The following NEGR1 variants were observed in gnomAD, a reference collection of about 807,000 sequenced individuals.
NEGR1 encodes the protein IgLON family member 4.
In NEGR1, 10 loss-of-function variants were observed where a neutral mutation model predicts 40.9. The observed-to-expected ratio is 0.24, with a 90% CI of 0.15 to 0.42. The LOEUF (loss-of-function observed/expected upper bound fraction) is 0.42, where lower values mean the gene tolerates loss of function less well. Among genes scored for constraint, NEGR1 ranks in the 10% least tolerant of loss-of-function variants. The probability of loss-of-function intolerance (pLI) is 1.00; values close to 1 mark genes in which losing one functional copy is unlikely to be tolerated. For synonymous variants in NEGR1, 185 were observed against 166.8 expected, an observed-to-expected ratio of 1.11 and a Z score of -0.84; for missense variants, 352 against 438.9, an observed-to-expected ratio of 0.80 and a Z score of 1.77.
At chr1:71,413,163 A>G (rs1224788985) in intron 6 of NEGR1, among the ~76,000 whole-genome samples, 1 of 152,200 alleles carries the variant, frequency 6.6e-6, no homozygotes, top group East Asian at 1.9e-4. Context: ...TAGTATCTCA[A>G]AAGTTATTAC....
chr1:71,559,760 A>G (rs1171943684), intron 6 of NEGR1, among the ~76,000 whole-genome samples: 1 of 151,446 alleles, frequency 6.6e-6, no homozygotes, highest in Non-Finnish European at 1.5e-5. Context: ...GCAATCTAAT[A>G]CTCAGCAGAA....
chr1:71,640,307 A>T (rs952438172), intron 4 of NEGR1, among the ~76,000 whole-genome samples: 1 of 152,008 alleles, frequency 6.6e-6, no homozygotes, highest in East Asian at 1.9e-4. Context: ...GTAGAGACTC[A>T]TGGGACACAG....
chr1:71,689,898 TA>T lies in NEGR1; in HGVS notation c.667+8109del, dbSNP rs563511810. Among the ~76,000 whole-genome samples, 22 of 151,940 alleles carry T rather than the reference TA, an allele frequency of 1.4e-4. No individual in the cohort carries two copies. The South Asian group carries it at 4.6e-3, about 31-fold the overall frequency. On this transcript the variant is annotated intron_variant, in intron 4 of 6. Coordinates refer to ENST00000357731, the MANE Select transcript of NEGR1 (RefSeq NM_173808.3). ...AATAACAGTAAATATCATTAACAGA[TA>T]TTTAACGTTATTTTAACATTTATCA... is the stretch of plus-strand genomic sequence containing the variant.
chr1:72,272,433 G>T (rs1472311771), intron 1 of NEGR1, among the ~76,000 whole-genome samples: 4 of 151,840 alleles, frequency 2.6e-5, no homozygotes, highest in African/African-American at 9.7e-5. Flanking sequence ...ATATTCTACT[G>T]TAAGAAATAT....
intron 2 of NEGR1, among the ~76,000 whole-genome samples, chr1:71,914,870 T>C (rs1661525789): frequency 6.6e-6 from 1 of 152,156 alleles, no homozygotes; most frequent in Non-Finnish European, 1.5e-5. Flanking sequence ...ATACTCATGA[T>C]GCCATCATTT....
intron 4 of NEGR1, among the ~76,000 whole-genome samples, chr1:71,643,776 T>C (rs1185075411): frequency 1.3e-5 from 2 of 152,012 alleles, no homozygotes; most frequent in East Asian, 3.9e-4. Flanking sequence ...ACTCATCTTG[T>C]GGTAAATAGA....
rs146988802 is a variant in NEGR1, at chr1:71,648,163, C to T, written c.668-37017G>A. ...TTGGGGTCTAAAATATCTTATAAAT[C>T]ATCTTGGCCTAGAAACAATTTTGCT... On this transcript the variant is annotated intron_variant, in intron 4 of 6. Transcript: ENST00000357731. Among the ~76,000 whole-genome samples the T allele has an allele frequency of 3.6e-4, 55 of 152,060 alleles. No homozygotes were observed. The Middle Eastern group carries it at 0.017, about 47-fold the overall frequency.
intron 6 of NEGR1, among the ~76,000 whole-genome samples, chr1:71,485,499 G>A (rs1362679674): frequency 6.6e-6 from 1 of 151,336 alleles, no homozygotes. Context: ...ACACTATCTG[G>A]GTTTGGACAA....
At chr1:71,637,801 G>A (rs1651207334) in intron 4 of NEGR1, among the ~76,000 whole-genome samples, 1 of 151,906 alleles carries the variant, frequency 6.6e-6, no homozygotes, top group Admixed American at 6.6e-5. Context: ...GGCATGCAGA[G>A]GTCACCTAAC....
At chr1:72,166,428 T>C (rs973096949) in intron 1 of NEGR1, among the ~76,000 whole-genome samples, 1 of 152,112 alleles carries the variant, frequency 6.6e-6, no homozygotes, top group Non-Finnish European at 1.5e-5. Context: ...CTGCTGAGTA[T>C]ATATCCAAAG....
intron 6 of NEGR1, among the ~76,000 whole-genome samples, chr1:71,420,823 A>C (rs1427280871): frequency 6.6e-6 from 1 of 152,044 alleles, no homozygotes; most frequent in African/African-American, 2.4e-5. Context: ...ATTAATATTA[A>C]AGTAGCCAAT....
intron 6 of NEGR1, among the ~76,000 whole-genome samples, chr1:71,497,123 A>G (rs902462404): frequency 6.6e-6 from 1 of 152,172 alleles, no homozygotes; most frequent in Non-Finnish European, 1.5e-5. Context: ...AATTTCCAGT[A>G]CAAAATGCAT....
intron 2 of NEGR1, among the ~76,000 whole-genome samples, chr1:71,852,109 T>C (rs1190595028): frequency 1.3e-5 from 2 of 152,186 alleles, no homozygotes; most frequent in African/African-American, 4.8e-5. Context: ...TTTAAGTGAT[T>C]CTTACTTCCA....
intron 6 of NEGR1, among the ~76,000 whole-genome samples, chr1:71,548,874 T>G (rs1647985355): frequency 6.6e-6 from 1 of 151,692 alleles, no homozygotes; most frequent in Non-Finnish European, 1.5e-5. Context: ...TTTGTAGAGC[T>G]GAATAACATG....
intron 1 of NEGR1, among the ~76,000 whole-genome samples, chr1:72,082,576 CT>C (rs1648047448): frequency 6.6e-6 from 1 of 151,874 alleles, no homozygotes; most frequent in Non-Finnish European, 1.5e-5. Context: ...ATCTTTTATC[CT>C]GATATTTTGT....
chr1:72,209,697 A>G lies in NEGR1; in HGVS notation c.176+72622T>C, dbSNP rs375818276. Among the ~76,000 whole-genome samples the G allele has an allele frequency of 7.2e-4, 110 of 151,988 alleles. No homozygotes were observed. The South Asian group carries it at 0.022, about 31-fold the overall frequency. ...TATGGCTAAATATTTACTTCTTTTA[A>G]CATTGTCTTTCAAAGTAAATATTGA... On this transcript the variant is annotated intron_variant, in intron 1 of 6. Transcript: ENST00000357731.
chr1:72,035,005 G>T (rs1646890094), intron 1 of NEGR1, among the ~76,000 whole-genome samples: 1 of 152,062 alleles, frequency 6.6e-6, no homozygotes, highest in Non-Finnish European at 1.5e-5. Flanking sequence ...GCAGCCTCCA[G>T]GGAAAACCAC....
intron 1 of NEGR1, among the ~76,000 whole-genome samples, chr1:72,004,911 T>C (rs1295773379): frequency 6.6e-6 from 1 of 152,142 alleles, no homozygotes; most frequent in Non-Finnish European, 1.5e-5. Context: ...TACAATTCAA[T>C]TTAAAGTTAT....
At chr1:71,509,271 G>A (rs1266350537) in intron 6 of NEGR1, among the ~76,000 whole-genome samples, 1 of 152,198 alleles carries the variant, frequency 6.6e-6, no homozygotes, top group African/African-American at 2.4e-5. Context: ...AAGGATGCAT[G>A]GGGAAATCAG....
Sources: allele counts gnomAD v4.1 joint callset (sites outside exome capture counted in the v4.1 genomes callset), GRCh38; gene constraint gnomAD v4.1.1; transcripts MANE v1.5; gene names NCBI Gene and HGNC (gene_info 2026-07-23, HGNC 2026-07-21).